The following TARBP1 variants were observed in gnomAD, a reference collection of about 807,000 sequenced individuals.
TARBP1 encodes tRNA (guanosine(18)-2'-O)-methyltransferase TARBP1.
TARBP1 carries 144 observed loss-of-function variants against 178.6 expected under a neutral mutation model. The observed-to-expected ratio is 0.81, with a 90% confidence interval of 0.70 to 0.93. TARBP1 has a LOEUF of 0.93. Among genes scored for constraint, TARBP1 ranks in the 40% least tolerant of loss-of-function variants. TARBP1 has a pLI of 0.00. For missense variants in TARBP1, 2,067 were observed against 2,011.7 expected (o/e 1.03, Z -0.53); for synonymous variants, 787 against 781.0 (o/e 1.01, Z -0.13).
intron 9 of TARBP1, among the ~76,000 whole-genome samples, chr1:234,455,518 G>A (rs1667183801): frequency 6.6e-6 from 1 of 152,140 alleles, no homozygotes; most frequent in Admixed American, 6.5e-5. Context: ...AAAAGACTAA[G>A]AAGGGTCTTT....
intron 22 of TARBP1, among the ~76,000 whole-genome samples, chr1:234,412,618 A>G (rs908245158): frequency 6.6e-6 from 1 of 152,138 alleles, no homozygotes; most frequent in Non-Finnish European, 1.5e-5. Flanking sequence ...GCAGTGATCT[A>G]TAATTGCCGG....
chr1:234,419,085 T>C (rs1265768775), intron 21 of TARBP1, among the ~76,000 whole-genome samples: 1 of 151,874 alleles, frequency 6.6e-6, no homozygotes, highest in Non-Finnish European at 1.5e-5. Context: ...GGCAGGAGAA[T>C]GGCGTGAACC....
At chr1:234,408,240 T>C (rs1377987442) in intron 23 of TARBP1, among the ~76,000 whole-genome samples, 4 of 152,254 alleles carry the variant, frequency 2.6e-5, no homozygotes, top group African/African-American at 9.6e-5. Flanking sequence ...CTTCGTGCTC[T>C]GATTCTGAAA....
intron 11 of TARBP1, among the ~76,000 whole-genome samples, 190 bp from the exon 12 acceptor site, chr1:234,447,165 C>T (rs1006270003): frequency 3.3e-5 from 5 of 152,046 alleles, no homozygotes; most frequent in Non-Finnish European, 7.4e-5. Context: ...AGGGTGGCGA[C>T]TCACTAAAGA....
chr1:234,457,706 T>C lies in TARBP1; in HGVS notation c.1683A>G (p.Gln561=). The change falls in exon 9 of 30, where the codon CAA becomes CAG. Residue 561 remains glutamine (Q), a synonymous_variant. Transcript: ENST00000040877. ...DVSTFLMSLR[Q]EESLGRGTSL... ...AAGTTCCTCGTCCTAAGGATTCCTC[T>C]TGTCTCAGAGACATGAGAAAAGTTG... 6.2e-7 allele frequency: 1 copy of C among 1,610,266 alleles called. No individual in the cohort carries two copies. Among genetic ancestry groups the C allele is most frequent in the Non-Finnish European group, 8.5e-7 (1 of 1,177,416 alleles).
chr1:234,434,886 G>T (rs1204296596), intron 13 of TARBP1, among the ~76,000 whole-genome samples: 1 of 152,162 alleles, frequency 6.6e-6, no homozygotes, highest in Non-Finnish European at 1.5e-5. Flanking sequence ...TGGGGCAGGA[G>T]AAGCATGAGA....
chr1:234,456,769 T>C (rs1667328121), intron 9 of TARBP1, among the ~76,000 whole-genome samples: 1 of 152,166 alleles, frequency 6.6e-6, no homozygotes, highest in Non-Finnish European at 1.5e-5. Context: ...AACTAAAAAC[T>C]AAACCAAAAA....
At chr1:234,400,053 CAAAAA>C (rs1553273516) in intron 25 of TARBP1, among the ~76,000 whole-genome samples, 2 of 142,158 alleles carry the variant, frequency 1.4e-5, no homozygotes, top group Admixed American at 1.4e-4. Flanking sequence ...AAAATAAAAA[CAAAAA>C]AAAAACAAAT....
At chr1:234,477,929 A>AG (rs1669720126) in intron 1 of TARBP1, among the ~76,000 whole-genome samples, 1 of 152,184 alleles carries the variant, frequency 6.6e-6, no homozygotes, top group Admixed American at 6.5e-5. Flanking sequence ...AAACTATTCC[A>AG]GGGGTGCTGT....
At position 234,448,497 on chromosome 1, in the gene TARBP1, TC is replaced by T. The variant is rs1405113471; in HGVS notation, c.1943del (p.Gly648GlufsTer2). 6.2e-7 allele frequency: 1 copy of T among 1,613,838 alleles called. No individual in the cohort carries two copies. The highest frequency in any genetic ancestry group is 2.2e-5 in the East Asian group (1 of 44,870). ...LMVLLAVDVE[G>X]MKTQYSGKQR... is the part of the protein sequence containing the mutation. The stretch of plus-strand genomic sequence containing the variant: ...ACAATTACCTATACTGAGTCTTCAT[TC>T]CTTCCACATCCACAGCCAGCAAGAC... On this transcript the variant is annotated frameshift_variant, in exon 11 of 30. Coordinates refer to ENST00000040877, the MANE Select transcript of TARBP1 (RefSeq NM_005646.4). LOFTEE classifies it high-confidence loss of function.
intron 3 of TARBP1, among the ~76,000 whole-genome samples, chr1:234,468,845 T>C (rs1438247969): frequency 6.6e-6 from 1 of 151,750 alleles, no homozygotes; most frequent in Non-Finnish European, 1.5e-5. Flanking sequence ...CCTGGACTCT[T>C]AGCTTAGATG....
rs1299203859 is a variant in TARBP1 at position 234,429,232 on chromosome 1, C to G, written c.2964G>C (p.Trp988Cys). 1 of 1,610,502 alleles carries G rather than the reference C, an allele frequency of 6.2e-7. No homozygotes were observed. The highest frequency in any genetic ancestry group is 1.7e-5 in the Admixed American group (1 of 59,180). ...ACTGAACAAAAGCTTTTAAATTAGC[C>G]CAGAATATCAGCTGAGTGTTGCTTA... ...SSLSNTQLIF[W>C]ANLKAFVQFV... The change falls in exon 17 of 30, where the codon TGG (tryptophan) becomes TGC (cysteine). Residue 988 changes from tryptophan to cysteine, a missense_variant. Physicochemically the swap from Trp to Cys is radical, Grantham distance 215. Transcript: ENST00000040877.
chr1:234,430,102 G>A lies in TARBP1; in HGVS notation c.2594C>T (p.Pro865Leu), dbSNP rs1369991638. The change falls in exon 15 of 30, where the codon CCC becomes CTC. Residue 865 changes from proline to leucine, a missense_variant. Pro to Leu is a moderately conservative substitution (Grantham distance 98, BLOSUM62 -3). Transcript: ENST00000040877. ...TTCCCTGTACCTGCTGCACTCCAAG[G>A]GGTGAGCATAACTGCTCTGCTCCTC... Reference protein sequence around the residue: ...HAEEQSSYAHPLECSSVLEES... With the variant: ...HAEEQSSYAHLLECSSVLEES... The A allele has an allele frequency of 1.5e-5, 24 of 1,612,702 alleles. No individual in the cohort carries two copies. The highest frequency in any genetic ancestry group is 2.0e-5 in the Non-Finnish European group (23 of 1,178,964).
intron 22 of TARBP1, among the ~76,000 whole-genome samples, chr1:234,414,765 A>G (rs1276259569): frequency 6.6e-6 from 1 of 152,184 alleles, no homozygotes; most frequent in Non-Finnish European, 1.5e-5. Flanking sequence ...CGGGCAGATC[A>G]CCTGAGGTCA....
intron 12 of TARBP1, among the ~76,000 whole-genome samples, chr1:234,446,332 A>C (rs1666173160): frequency 1.3e-5 from 2 of 152,196 alleles, no homozygotes; most frequent in African/African-American, 4.8e-5. Context: ...TTTTCTACTT[A>C]AAAGGTACTC....
At chr1:234,421,015 G>A (rs142532256) in intron 20 of TARBP1, among the ~76,000 whole-genome samples, 65 of 152,156 alleles carry the variant, frequency 4.3e-4, no homozygotes, top group Admixed American at 7.2e-4. Context: ...GAGTGATTAA[G>A]AAAAATAAAA....
At chr1:234,461,345 C>T (rs1356465117) in intron 6 of TARBP1, among the ~76,000 whole-genome samples, 3 of 152,156 alleles carry the variant, frequency 2.0e-5, no homozygotes, top group Non-Finnish European at 2.9e-5. Context: ...CACTCTGTTG[C>T]CCAGGCTGAA....
At chr1:234,448,746 CA>C (rs1666438488) in intron 10 of TARBP1, among the ~76,000 whole-genome samples, 167 bp from the exon 11 acceptor site, 1 of 152,124 alleles carries the variant, frequency 6.6e-6, no homozygotes, top group South Asian at 2.1e-4. Context: ...CATTATTATA[CA>C]TATCTATTTC....
chr1:234,459,214 C>T lies in TARBP1; in HGVS notation c.1632+16G>A. The T allele has an allele frequency of 6.2e-7, 1 of 1,600,104 alleles. No homozygotes were observed. The highest frequency in any genetic ancestry group is 1.7e-5 in the Admixed American group (1 of 57,182). On this transcript the variant is annotated intron_variant, in intron 8 of 29. Transcript: ENST00000040877. ...AAGAAAGACTTGTAAATGGAAGTAACAAAAGAAAAACTTACCACATCTAGC... is the reference window on the plus strand; with the variant it reads ...AAGAAAGACTTGTAAATGGAAGTAATAAAAGAAAAACTTACCACATCTAGC...
Sources: gnomAD v4.1 joint callset for allele counts (sites outside exome capture counted in the v4.1 genomes callset) on GRCh38, gnomAD v4.1.1 for gene constraint, MANE v1.5 for transcripts, NCBI Gene and HGNC (gene_info 2026-07-23, HGNC 2026-07-21) for gene names.